The following CLIP4 variants were observed in gnomAD, a reference collection of about 807,000 sequenced individuals.
CLIP4 encodes CAP-Gly domain-containing linker protein 4.
A neutral mutation model predicts 73.1 loss-of-function variants in CLIP4; 47 were observed. The observed-to-expected ratio is 0.64, with a 90% CI of 0.51 to 0.82. The LOEUF is 0.82. Ranked by LOEUF, CLIP4 falls within the 40% of genes least tolerant of loss-of-function variation. The probability of loss-of-function intolerance (pLI) is 0.00; values close to 1 mark genes in which losing one functional copy is unlikely to be tolerated. For missense variants in CLIP4, 874 were observed against 852.9 expected (o/e 1.02, Z -0.31); for synonymous variants, 306 against 295.4 (o/e 1.04, Z -0.37).
rs564774772 is a variant in CLIP4, at chr2:29,099,405, T to C, written c.-16+1458T>C. Among the ~76,000 whole-genome samples the C allele has an allele frequency of 9.8e-3, 1,500 of 152,348 alleles. 22 individuals are homozygous for C. Among genetic ancestry groups the C allele is most frequent in the African/African-American group, 0.034 (1,423 of 41,582 alleles). ...AAAAGGTGTAAGATCTGTGTCTGGATTCATTTATTCGTATGTGGTTGTCCA... is the reference window on the plus strand; with the variant it reads ...AAAAGGTGTAAGATCTGTGTCTGGACTCATTTATTCGTATGTGGTTGTCCA... On this transcript the variant is annotated intron_variant, in intron 1 of 14. Transcript: ENST00000401605.
intron 14 of CLIP4, among the ~76,000 whole-genome samples, chr2:29,169,351 G>A (rs1472818264): frequency 2.0e-5 from 3 of 151,430 alleles, no homozygotes; most frequent in Admixed American, 6.6e-5. Context: ...GTGTGTGTGT[G>A]TGTGTGTGTG....
chr2:29,142,811 A>G lies in CLIP4; in HGVS notation c.649-898A>G, dbSNP rs117131313. ...TTCTTTATATTAAAAGAAGATTACA[A>G]TCTAAATTATTTCTCATGAAGTCTA... On this transcript the variant is annotated intron_variant, in intron 6 of 15. Transcript: ENST00000320081. 6.8e-4 allele frequency among the ~76,000 whole-genome samples: 104 copies of G among 152,368 alleles called. 1 individual carries two copies. The East Asian group carries it at 0.019, about 28-fold the overall frequency.
At chr2:29,125,250 C>A (rs772090066) in intron 2 of CLIP4, among the ~76,000 whole-genome samples, 6 of 152,192 alleles carry the variant, frequency 3.9e-5, no homozygotes, top group Non-Finnish European at 7.3e-5. Flanking sequence ...TGCTGTTCTA[C>A]TCAATGCTGT....
chr2:29,116,024 CGCAGTG>C (rs1428908537), intron 1 of CLIP4, among the ~76,000 whole-genome samples: 1 of 152,206 alleles, frequency 6.6e-6, no homozygotes, highest in East Asian at 1.9e-4. Flanking sequence ...TCCCCGCACG[CGCAGTG>C]GCTTTCCAAC....
chr2:29,137,066 G>A, intron 6 of CLIP4, among the ~76,000 whole-genome samples: 1 of 152,000 alleles, frequency 6.6e-6, no homozygotes, highest in East Asian at 1.9e-4. Context: ...GGGAGTATAT[G>A]TACAGGTTTG....
intron 6 of CLIP4, among the ~76,000 whole-genome samples, chr2:29,143,490 C>T (rs1453226856): frequency 1.3e-5 from 2 of 152,018 alleles, no homozygotes; most frequent in African/African-American, 4.8e-5. Context: ...ATCTCTCCCA[C>T]CAGAATGTAA....
At chr2:29,146,748 A>C (rs1366572399) in intron 8 of CLIP4, among the ~76,000 whole-genome samples, 1 of 152,190 alleles carries the variant, frequency 6.6e-6, no homozygotes, top group East Asian at 1.9e-4. Flanking sequence ...CTTACCAGCT[A>C]TGTGACTGTC....
chr2:29,133,618 T>A, intron 4 of CLIP4, 37 bp from the exon 5 acceptor site: 1 of 1,571,440 alleles, frequency 6.4e-7, no homozygotes, highest in Non-Finnish European at 8.6e-7. Flanking sequence ...ACTTAAAATT[T>A]GTACTAAAGG....
rs796702046 is a variant in CLIP4 at position 29,107,374 on chromosome 2, T to TG, written c.-16+9427_-16+9428insG. ...AACATGATAGTTTTTTTTTTTTTTTTTTTTTTTTTTTTTTTGAGATGGAGT... is the reference window on the plus strand; with the variant it reads ...AACATGATAGTTTTTTTTTTTTTTTTGTTTTTTTTTTTTTTTGAGATGGAGT... On this transcript the variant is annotated intron_variant, in intron 1 of 14. Transcript: ENST00000401605. Among the ~76,000 whole-genome samples, 43 of 122,434 alleles carry TG rather than the reference T, an allele frequency of 3.5e-4. 1 individual carries two copies. Among genetic ancestry groups the TG allele is most frequent in the African/African-American group, 1.3e-3 (41 of 30,790 alleles). 80.3% of individuals were successfully genotyped at this position (122,434 alleles called of 152,430 possible).
chr2:29,171,579 C>T (rs1449416247), intron 14 of CLIP4, among the ~76,000 whole-genome samples: 2 of 149,628 alleles, frequency 1.3e-5, no homozygotes, highest in African/African-American at 2.5e-5. Context: ...AGTGCAGTGG[C>T]ACGATCTTGG....
intron 8 of CLIP4, 112 bp from the exon 9 acceptor site, chr2:29,152,573 C>T: frequency 9.5e-7 from 1 of 1,047,300 alleles, no homozygotes; most frequent in Admixed American, 2.7e-5. Flanking sequence ...ATAGGACATG[C>T]AGTGGGCACT....
At chr2:29,165,963 C>G (rs1444581743) in intron 13 of CLIP4, among the ~76,000 whole-genome samples, 1 of 114,794 alleles carries the variant, frequency 8.7e-6, no homozygotes, top group South Asian at 2.9e-4. Context: ...TAAAAAGCAG[C>G]CCCCTCTTCT....
At chr2:29,117,200 A>G (rs1180858810) in intron 1 of CLIP4, among the ~76,000 whole-genome samples, 1 of 152,192 alleles carries the variant, frequency 6.6e-6, no homozygotes. Flanking sequence ...CGGAGACCAG[A>G]AACATGTTCT....
intron 12 of CLIP4, among the ~76,000 whole-genome samples, chr2:29,160,757 G>T (rs1667234956): frequency 6.6e-6 from 1 of 152,032 alleles, no homozygotes; most frequent in Non-Finnish European, 1.5e-5. Context: ...CTAAGTGACA[G>T]GCAAACATTT....
chr2:29,099,475 T>C (rs1311514612), intron 1 of CLIP4, among the ~76,000 whole-genome samples: 1 of 152,240 alleles, frequency 6.6e-6, no homozygotes, highest in Non-Finnish European at 1.5e-5. Context: ...TTTTTTTCCA[T>C]TGAATTGTCT....
chr2:29,183,200 C>T lies in CLIP4; in HGVS notation c.*1307C>T, dbSNP rs1412234155. ...TTTATTGTAAATATTTAGACTTTAC[C>T]ACAGAAATATTGGAACAGTTTGCTT... is the stretch of plus-strand genomic sequence containing the variant. On this transcript the variant is annotated 3_prime_UTR_variant, in exon 16 of 16. Transcript: ENST00000320081. The T allele has an allele frequency of 1.3e-5, 2 of 152,488 alleles. No homozygotes were observed. Among genetic ancestry groups the T allele is most frequent in the Non-Finnish European group, 2.9e-5 (2 of 68,006 alleles). 9.4% of individuals were successfully genotyped at this position (152,488 alleles called of 1,614,324 possible).
intron 1 of CLIP4, among the ~76,000 whole-genome samples, chr2:29,099,761 T>TA (rs1667986939): frequency 2.0e-5 from 3 of 152,256 alleles, no homozygotes; most frequent in African/African-American, 4.8e-5. Context: ...GGGATTGTGC[T>TA]AAATCTACAG....
At chr2:29,114,908 G>C (rs1047139260), upstream of CLIP4, 4 of 152,368 alleles carry the variant, frequency 2.6e-5, no homozygotes, top group African/African-American at 9.6e-5. Flanking sequence ...AGATGACAGA[G>C]AGTCAGGCTG....
chr2:29,175,278 T>C (rs1324643722), intron 15 of CLIP4: 1 of 152,204 alleles, frequency 6.6e-6, no homozygotes, highest in African/African-American at 2.4e-5. Context: ...CTGAGGACTG[T>C]TAGGTACTGT....
Sources: allele counts gnomAD v4.1 joint callset (sites outside exome capture counted in the v4.1 genomes callset), GRCh38; gene constraint gnomAD v4.1.1; transcripts MANE v1.5; gene names NCBI Gene and HGNC (gene_info 2026-07-23, HGNC 2026-07-21).